The following EPHA6 variants were observed in gnomAD, a reference collection of about 807,000 sequenced individuals.
EPHA6 encodes EPH receptor A6.
EPHA6 carries 50 observed loss-of-function variants against 112.0 expected under a neutral mutation model. The observed-to-expected ratio is 0.45, with a 90% CI of 0.36 to 0.56. The LOEUF is 0.56. Ranked by LOEUF, EPHA6 falls within the 20% of genes least tolerant of loss-of-function variation. The pLI, the probability that EPHA6 is intolerant of heterozygous loss-of-function variation, is 0.00. For missense variants in EPHA6, 1,280 were observed against 1,417.4 expected (o/e 0.90, Z 1.56); for synonymous variants, 529 against 490.7 (o/e 1.08, Z -1.03).
At chr3:97,074,133 A>T (rs2046443181) in intron 3 of EPHA6, among the ~76,000 whole-genome samples, 1 of 151,882 alleles carries the variant, frequency 6.6e-6, no homozygotes, top group South Asian at 2.1e-4. Flanking sequence ...TGGGTGTGCT[A>T]TCAGTTATTT....
chr3:97,008,313 T>C (rs2043960429), intron 3 of EPHA6, among the ~76,000 whole-genome samples: 1 of 152,194 alleles, frequency 6.6e-6, no homozygotes, highest in Non-Finnish European at 1.5e-5. Flanking sequence ...TTTTTCATTC[T>C]TTTTTCTCTA....
chr3:97,064,770 G>A (rs1469579691), intron 3 of EPHA6, among the ~76,000 whole-genome samples: 2 of 152,068 alleles, frequency 1.3e-5, no homozygotes, highest in Non-Finnish European at 2.9e-5. Context: ...ATTTATATGT[G>A]TTAATTACAT....
At chr3:97,650,216 C>T (rs1453949243) in intron 14 of EPHA6, among the ~76,000 whole-genome samples, 2 of 152,072 alleles carry the variant, frequency 1.3e-5, no homozygotes, top group African/African-American at 4.8e-5. Flanking sequence ...CCATAAACAT[C>T]AGCTTGGATC....
At chr3:97,548,054 G>A (rs536302485) in intron 11 of EPHA6, among the ~76,000 whole-genome samples, 7 of 152,224 alleles carry the variant, frequency 4.6e-5, no homozygotes, top group South Asian at 4.1e-4. Context: ...GCTCATGCAC[G>A]GTGCGCTGTA....
In EPHA6 at chr3:97,244,255, T is replaced by G. The variant is rs763984183; in HGVS notation, c.1574T>G (p.Phe525Cys). The G allele has an allele frequency of 6.2e-6, 10 of 1,613,148 alleles. No individual in the cohort carries two copies. The highest frequency in any genetic ancestry group is 1.6e-4 in the Middle Eastern group (1 of 6,080). ...GAGTTGAGTTTTTCTCCCAAGCCAT[T>G]CACAGCTATTACAGTGACCACGGAT... Reference protein sequence around the residue: ...VSELSFSPKPFTAITVTTDQD... With the variant: ...VSELSFSPKPCTAITVTTDQD... The change falls in exon 5 of 18, where the codon TTC becomes TGC. Residue 525 changes from phenylalanine (F) to cysteine (C), a missense_variant. Phe to Cys is a radical substitution (Grantham distance 205, BLOSUM62 -2). Transcript: ENST00000389672.
At chr3:97,517,753 G>T (rs767494030) in intron 10 of EPHA6, among the ~76,000 whole-genome samples, 1 of 151,804 alleles carries the variant, frequency 6.6e-6, no homozygotes, top group African/African-American at 2.4e-5. Context: ...CCCCACCGGT[G>T]CCCCCACCCC....
At chr3:97,741,787 A>G (rs893791002) in intron 16 of EPHA6, among the ~76,000 whole-genome samples, 2 of 152,122 alleles carry the variant, frequency 1.3e-5, no homozygotes, top group Non-Finnish European at 2.9e-5. Flanking sequence ...TCACATTTCC[A>G]GATAGATTTT....
chr3:97,083,344 A>C, intron 3 of EPHA6, among the ~76,000 whole-genome samples: 1 of 151,988 alleles, frequency 6.6e-6, no homozygotes, highest in East Asian at 1.9e-4. Flanking sequence ...TTTTTGTTTT[A>C]GGATTAAGAC....
chr3:96,898,464 C>T (rs62263676), intron 2 of EPHA6, among the ~76,000 whole-genome samples: 4,741 of 152,238 alleles, frequency 0.031, 106 homozygotes, highest in Middle Eastern at 0.068. Context: ...TACCACTTGT[C>T]TGACCTGGGA....
At chr3:97,675,974 A>G (rs968979068) in intron 14 of EPHA6, among the ~76,000 whole-genome samples, 2 of 152,190 alleles carry the variant, frequency 1.3e-5, no homozygotes, top group South Asian at 4.1e-4. Flanking sequence ...GAAAATTCCA[A>G]GGCTTCCTGG....
chr3:97,188,477 A>T (rs1358658856), intron 3 of EPHA6, among the ~76,000 whole-genome samples: 1 of 152,074 alleles, frequency 6.6e-6, no homozygotes, highest in Non-Finnish European at 1.5e-5. Context: ...TAGGGAGAAG[A>T]AGTAGCAAAA....
intron 2 of EPHA6, among the ~76,000 whole-genome samples, chr3:96,890,746 A>G (rs1232331265): frequency 1.3e-5 from 2 of 152,232 alleles, no homozygotes; most frequent in Non-Finnish European, 2.9e-5. Flanking sequence ...GAAAATTGGT[A>G]TAACTACTTT....
intron 3 of EPHA6, among the ~76,000 whole-genome samples, chr3:97,031,473 A>G (rs9817368): frequency 0.33 from 49,781 of 151,778 alleles, 8,674 homozygotes; most frequent in African/African-American, 0.43. Flanking sequence ...AAGAGCTTCT[A>G]CACAGCAAAA....
intron 12 of EPHA6, 141 bp from the exon 13 acceptor site, chr3:97,610,652 C>T (rs1248901963): frequency 1.5e-5 from 10 of 684,472 alleles, no homozygotes; most frequent in Admixed American, 2.8e-5. Flanking sequence ...AATATGAATA[C>T]GTTTATAGAA....
chr3:97,475,112 T>C (rs1023407024), intron 7 of EPHA6, among the ~76,000 whole-genome samples: 3 of 149,690 alleles, frequency 2.0e-5, no homozygotes, highest in African/African-American at 5.0e-5. Flanking sequence ...ATCTACTTTA[T>C]TGATCTTTTT....
At chr3:97,468,508 A>C (rs924921241) in intron 7 of EPHA6, among the ~76,000 whole-genome samples, 2 of 151,506 alleles carry the variant, frequency 1.3e-5, no homozygotes, top group Non-Finnish European at 3.0e-5. Context: ...AGATAGCATC[A>C]AATATTGAAT....
chr3:97,173,987 AT>A (rs1005022611), intron 3 of EPHA6, among the ~76,000 whole-genome samples: 3 of 150,690 alleles, frequency 2.0e-5, no homozygotes, highest in South Asian at 2.1e-4. Context: ...CATTCTTTCT[AT>A]TTTTTTTACC....
At chr3:97,171,524 G>C (rs535755620) in intron 3 of EPHA6, among the ~76,000 whole-genome samples, 1 of 152,156 alleles carries the variant, frequency 6.6e-6, no homozygotes, top group African/African-American at 2.4e-5. Context: ...TATAAAGATA[G>C]AACCAATATG....
chr3:96,833,794 AT>A (rs1158844994), intron 1 of EPHA6, among the ~76,000 whole-genome samples: 4 of 151,988 alleles, frequency 2.6e-5, no homozygotes, highest in Non-Finnish European at 5.9e-5. Context: ...GAACATTGCA[AT>A]TCCACTGTTA....
Sources: allele counts gnomAD v4.1 joint callset (sites outside exome capture counted in the v4.1 genomes callset), GRCh38; gene constraint gnomAD v4.1.1; transcripts MANE v1.5; gene names NCBI Gene and HGNC (gene_info 2026-07-23, HGNC 2026-07-21).